The following MACF1 variants were observed in gnomAD, a reference collection of about 807,000 sequenced individuals.
MACF1 encodes the protein microtubule-actin cross-linking factor 1.
In MACF1, 193 loss-of-function variants were observed where a neutral mutation model predicts 854.8. That is an observed-to-expected ratio of 0.23 (90% CI 0.20 to 0.25). The LOEUF is 0.25. Among genes scored for constraint, MACF1 ranks in the 10% least tolerant of loss-of-function variants. MACF1 has a pLI of 1.00. For missense variants in MACF1, 7,722 were observed against 8,929.1 expected, an observed-to-expected ratio of 0.86 and a Z score of 5.45; for synonymous variants, 3,185 against 3,226.7, an observed-to-expected ratio of 0.99 and a Z score of 0.44.
intron 2 of MACF1, among the ~76,000 whole-genome samples, chr1:39,173,890 A>G (rs147861184): frequency 0.015 from 2,207 of 152,206 alleles, 18 homozygotes; most frequent in Non-Finnish European, 0.021. Flanking sequence ...GTTTGCCAGA[A>G]GAAAAGCGCT....
intron 58 of MACF1, among the ~76,000 whole-genome samples, chr1:39,416,897 GC>G (rs1356702383): frequency 2.0e-5 from 3 of 152,302 alleles, no homozygotes; most frequent in African/African-American, 7.2e-5. Context: ...ATGTAGAGAG[GC>G]CATTTTGAAA....
intron 2 of MACF1, among the ~76,000 whole-genome samples, chr1:39,185,513 A>AAG (rs1280371266): frequency 1.3e-5 from 2 of 151,840 alleles, no homozygotes; most frequent in Non-Finnish European, 2.9e-5. Context: ...TAAAAAAAAA[A>AAG]ATTTTTTTTT....
intron 65 of MACF1, among the ~76,000 whole-genome samples, 181 bp from the exon 66 acceptor site, chr1:39,430,521 A>G (rs908742231): frequency 3.9e-5 from 6 of 152,172 alleles, no homozygotes; most frequent in African/African-American, 9.7e-5. Flanking sequence ...AGCAAGCAAC[A>G]ATGAAGTCTA....
intron 2 of MACF1, among the ~76,000 whole-genome samples, chr1:39,245,668 G>A (rs1032681413): frequency 6.6e-6 from 1 of 152,172 alleles, no homozygotes; most frequent in African/African-American, 2.4e-5. Flanking sequence ...TGGGAGGATT[G>A]TTTGTACCCA....
At chr1:39,135,024 G>A (rs999325291) in intron 2 of MACF1, among the ~76,000 whole-genome samples, 3 of 152,062 alleles carry the variant, frequency 2.0e-5, no homozygotes, top group Admixed American at 1.3e-4. Context: ...CTTCATATAA[G>A]TGGAATCATA....
rs1272967857 is a variant in MACF1, at chr1:39,334,045, G to A, written c.7457G>A (p.Arg2486Lys). The change falls in exon 37 of 101, where the codon AGA becomes AAA. Residue 2486 changes from arginine (R) to lysine (K), a missense_variant. Arg to Lys is a conservative substitution (Grantham distance 26). Transcript: ENST00000564288. ...APLTVVQSID[R>K]GLLEREEAVR... The stretch of plus-strand genomic sequence containing the variant: ...TTAACAGTTGTGCAGTCCATTGACA[G>A]AGGTCTTTTGGAGAGAGAGGAGGCC... 2 of 1,614,196 alleles carry A rather than the reference G, an allele frequency of 1.2e-6. No individual in the cohort carries two copies. The highest frequency in any genetic ancestry group is 3.3e-5 in the Admixed American group (2 of 60,024).
At chr1:39,266,664 TTA>T (rs905089953) in intron 6 of MACF1, among the ~76,000 whole-genome samples, 1 of 150,700 alleles carries the variant, frequency 6.6e-6, no homozygotes, top group Non-Finnish European at 1.5e-5. Context: ...GTGTAAGTCT[TTA>T]TGGCTTGCAT....
At chr1:39,285,867 G>A (rs1024209507) in intron 14 of MACF1, 109 bp downstream of exon 14, 1 of 1,267,912 alleles carries the variant, frequency 7.9e-7, no homozygotes, top group South Asian at 1.4e-5. Flanking sequence ...GGACATTTGA[G>A]GTCAGTGTCT....
In MACF1 at chr1:39,315,493, G is replaced by A. The variant is rs750928759; in HGVS notation, c.3271-20G>A. 4 of 1,612,582 alleles carry A rather than the reference G, an allele frequency of 2.5e-6. No homozygotes were observed. The African/African-American group carries it at 5.3e-5, about 22-fold the overall frequency. ...TGTTCAATTCTGTCTCCCTCTTTAT[G>A]TGTGTCTTGTTCCTGGCAGCACACC... On this transcript the variant is annotated intron_variant, in intron 26 of 100. Coordinates refer to ENST00000564288, the MANE Select transcript of MACF1 (RefSeq NM_001394062.1).
intron 2 of MACF1, among the ~76,000 whole-genome samples, chr1:39,243,489 T>C (rs1384131084): frequency 6.6e-6 from 1 of 152,096 alleles, no homozygotes; most frequent in Non-Finnish European, 1.5e-5. Context: ...GCAGCTTCAG[T>C]CGGCTGGGCT....
chr1:39,263,771 C>CTTTT lies in MACF1; in HGVS notation c.528+5760_528+5763dup, dbSNP rs11453750. 8.6e-3 allele frequency among the ~76,000 whole-genome samples: 863 copies of CTTTT among 100,146 alleles called. 26 individuals are homozygous for CTTTT. The highest frequency in any genetic ancestry group is 0.012 in the African/African-American group (282 of 24,392). The allele number at this position is 100,146 out of a possible 152,430, so 65.7% of individuals were successfully genotyped here. ...CTTTCTTTCATCTTTTTTCTTTTTT[C>CTTTT]TTTTTTTTTTTTTTTTTTTTGAGAC... On this transcript the variant is annotated intron_variant, in intron 6 of 100. Coordinates refer to ENST00000564288, the MANE Select transcript of MACF1 (RefSeq NM_001394062.1).
chr1:39,313,889 T>C (rs1436441992), intron 26 of MACF1, among the ~76,000 whole-genome samples: 1 of 152,158 alleles, frequency 6.6e-6, no homozygotes, highest in African/African-American at 2.4e-5. Context: ...GTGCTGGGAT[T>C]ACAGGCATGG....
intron 6 of MACF1, among the ~76,000 whole-genome samples, chr1:39,272,087 T>A (rs1645333134): frequency 2.0e-5 from 3 of 152,190 alleles, no homozygotes; most frequent in Admixed American, 6.5e-5. Context: ...GCTGAAAAAC[T>A]AAGTGACCGA....
At chr1:39,393,196 A>AATATATATATATATATATATATATAT in intron 58 of MACF1, among the ~76,000 whole-genome samples, 1 of 66,566 alleles carries the variant, frequency 1.5e-5, no homozygotes, top group African/African-American at 8.4e-5. Context: ...AAAAAAAAAA[A>AATATATATATATATATATATATATAT]ATATATATAT....
rs374684367 is a variant in MACF1 at position 39,336,117 on chromosome 1, T to G, written c.9529T>G (p.Ser3177Ala). Residue 3177 changes from serine to alanine, a missense_variant, in exon 37 of 101, where the codon TCT becomes GCT. This residue lies in a region of MACF1 where 854 missense variants were observed against 852.6 expected (regional missense o/e 1.00). Coordinates refer to ENST00000564288, the MANE Select transcript of MACF1 (RefSeq NM_001394062.1). ...ECKEKSYQEV[S>A]FDPARGLKLE... Reference sequence around the variant, plus strand: ...TAAAGAAAAGTCATACCAAGAAGTATCTTTTGACCCAGCAAGAGGTCTTAA... The same window carrying G: ...TAAAGAAAAGTCATACCAAGAAGTAGCTTTTGACCCAGCAAGAGGTCTTAA... The G allele has an allele frequency of 3.7e-6, 6 of 1,614,060 alleles. No homozygotes were observed. The South Asian group carries it at 6.6e-5, about 18-fold the overall frequency.
At chr1:39,438,912 G>T (rs574893098) in intron 71 of MACF1, among the ~76,000 whole-genome samples, 1 of 151,432 alleles carries the variant, frequency 6.6e-6, no homozygotes. Flanking sequence ...GTGAAACCCC[G>T]ACTCTACCAA....
At chr1:39,119,155 C>T (rs1233596958) in intron 2 of MACF1, among the ~76,000 whole-genome samples, 1 of 151,962 alleles carries the variant, frequency 6.6e-6, no homozygotes, top group East Asian at 1.9e-4. Flanking sequence ...CCCGTCTGTA[C>T]TAAAAATACA....
At chr1:39,455,169 G>T in intron 89 of MACF1, 72 bp downstream of exon 89, 1 of 1,465,396 alleles carries the variant, frequency 6.8e-7, no homozygotes, top group Non-Finnish European at 9.4e-7. Flanking sequence ...GTTGCCCTGT[G>T]TATATGTTTT....
intron 2 of MACF1, among the ~76,000 whole-genome samples, chr1:39,169,595 A>G (rs1488923445): frequency 1.4e-5 from 2 of 140,640 alleles, no homozygotes; most frequent in Non-Finnish European, 3.1e-5. Context: ...ACAGAGCAAG[A>G]CCCTGTCTCA....
Sources: allele counts gnomAD v4.1 joint callset (sites outside exome capture counted in the v4.1 genomes callset), GRCh38; gene constraint gnomAD v4.1.1; regional missense constraint gnomAD v4.1.1; transcripts MANE v1.5; gene names NCBI Gene and HGNC (gene_info 2026-07-23, HGNC 2026-07-21).